BEAN1: variants seen among roughly 807,000 people sequenced by gnomAD.
BEAN1 encodes protein BEAN1.
A neutral mutation model predicts 17.7 loss-of-function variants in BEAN1; 17 were observed. The observed-to-expected ratio is 0.96, with a 90% CI of 0.66 to 1.44. The LOEUF (loss-of-function observed/expected upper bound fraction) is 1.44, where lower values mean the gene tolerates loss of function less well. Among genes scored for constraint, BEAN1 ranks in the 40% most tolerant of loss-of-function variants. The probability of loss-of-function intolerance (pLI) is 0.00; values close to 1 mark genes in which losing one functional copy is unlikely to be tolerated. For missense variants in BEAN1, 359 were observed against 374.1 expected (o/e 0.96, Z 0.33); for synonymous variants, 142 against 151.8 (o/e 0.94, Z 0.47).
intron 2 of BEAN1, among the ~76,000 whole-genome samples, chr16:66,453,414 A>G (rs917750994): frequency 6.6e-6 from 1 of 152,082 alleles, no homozygotes; most frequent in Non-Finnish European, 1.5e-5. Context: ...GCTGGAGTGC[A>G]GTGGTGCAAT....
rs751374999 is a variant in BEAN1 at position 66,469,704 on chromosome 16, T to A, written c.128T>A (p.Ile43Lys). ...VSPVLVASAV[I>K]GVVIILSCIT... ...CCCGTGCTGGTGGCGAGTGCCGTCA[T>A]AGGTGTGGTCATCATCCTCTCCTGC... Residue 43 changes from isoleucine (I) to lysine (K), a missense_variant, in exon 3 of 5, where the codon ATA becomes AAA. Transcript: ENST00000536005. The A allele has an allele frequency of 1.2e-5, 19 of 1,535,832 alleles. No individual in the cohort carries two copies. Among genetic ancestry groups the A allele is most frequent in the Non-Finnish European group, 1.7e-5 (19 of 1,146,852 alleles).
chr16:66,481,158 A>C lies in BEAN1; in HGVS notation c.*233A>C. The C allele has an allele frequency of 2.4e-6, 1 of 416,422 alleles. No homozygotes were observed. Among genetic ancestry groups the C allele is most frequent in the Non-Finnish European group, 4.2e-6 (1 of 237,814 alleles). The allele number at this position is 416,422 out of a possible 1,614,324, so 25.8% of individuals were successfully genotyped here. A position where few individuals can be genotyped will look rare whatever the true frequency, so the allele number is the denominator to read the frequency against. ...CATACAGGCCTACCACAAACACAAAACCCACCTGCAAAGGTTTCACGGAAC... is the reference window on the plus strand; with the variant it reads ...CATACAGGCCTACCACAAACACAAACCCCACCTGCAAAGGTTTCACGGAAC... On this transcript the variant is annotated 3_prime_UTR_variant, in exon 5 of 5. Transcript: ENST00000536005. This position sits in a 1 kb window ranked among gnomAD's most constrained non-coding sequence, Gnocchi z 4.1.
intron 2 of BEAN1, among the ~76,000 whole-genome samples, chr16:66,455,975 C>T (rs1438709941): frequency 6.6e-6 from 1 of 152,246 alleles, no homozygotes; most frequent in Non-Finnish European, 1.5e-5. Flanking sequence ...GTGTGAGCCA[C>T]TGCTCCTGGC....
downstream of BEAN1, chr16:66,484,903 TGGA>T (rs1227602384): frequency 3.7e-5 from 17 of 454,012 alleles, no homozygotes; most frequent in Non-Finnish European, 7.5e-5. The surrounding 1 kb of genome is among the most constrained non-coding windows in gnomAD (Gnocchi z 4.2). Flanking sequence ...CTGCCCCTTG[TGGA>T]GGCCAAATGG....
chr16:66,433,442 T>A (rs1474195665), intron 1 of BEAN1, among the ~76,000 whole-genome samples: 1 of 152,194 alleles, frequency 6.6e-6, no homozygotes, highest in African/African-American at 2.4e-5. Flanking sequence ...GAACCAGTGA[T>A]GGCAGCCTCT....
downstream of BEAN1, among the ~76,000 whole-genome samples, chr16:66,494,595 C>A (rs1172004446): frequency 6.6e-6 from 1 of 152,184 alleles, no homozygotes; most frequent in African/African-American, 2.4e-5. Flanking sequence ...CCTTCAGACC[C>A]ATTTCACCTA....
intron 4 of BEAN1, 56 bp downstream of exon 4, chr16:66,477,766 A>AC (rs1222254310): frequency 2.1e-6 from 3 of 1,435,608 alleles, no homozygotes; most frequent in Non-Finnish European, 2.8e-6. Flanking sequence ...GGACACAAAG[A>AC]CCCCCCAACT....
At chr16:66,463,469 T>C (rs1963158122) in intron 2 of BEAN1, among the ~76,000 whole-genome samples, 2 of 152,220 alleles carry the variant, frequency 1.3e-5, no homozygotes, top group South Asian at 4.1e-4. Context: ...TCAGATCTTT[T>C]GACAATTTTT....
intron 3 of BEAN1, among the ~76,000 whole-genome samples, chr16:66,472,147 T>G (rs181047098): frequency 4.5e-4 from 69 of 152,334 alleles, no homozygotes; most frequent in Non-Finnish European, 1.5e-5. Flanking sequence ...AAAGGCTGCC[T>G]CCTTATGGGA....
At chr16:66,449,591 A>G (rs1328997696) in intron 2 of BEAN1, among the ~76,000 whole-genome samples, 1 of 121,382 alleles carries the variant, frequency 8.2e-6, no homozygotes, top group Non-Finnish European at 1.6e-5. Flanking sequence ...TGGGTGGCAG[A>G]GTGAGACTCC....
Position 66,427,313 on chromosome 16 carries a change from C to T in BEAN1, c.-201C>T, listed in dbSNP as rs1192386843. The T allele has an allele frequency of 6.6e-6, 1 of 150,898 alleles. No individual in the cohort carries two copies. The highest frequency in any genetic ancestry group is 1.5e-5 in the Non-Finnish European group (1 of 67,662). 9.3% of individuals were successfully genotyped at this position (150,898 alleles called of 1,614,324 possible). On this transcript the variant is annotated 5_prime_UTR_variant, in exon 1 of 5. Coordinates refer to ENST00000536005, the MANE Select transcript of BEAN1 (RefSeq NM_001178020.3). The surrounding 1 kb of genome is among the most constrained non-coding windows in gnomAD (Gnocchi z 4.7). ...GCCCCCCGCGACGCCCGAGCCCGAG[C>T]GCAGTGGCCTCCGAGCGGGAACCGG...
chr16:66,488,187 A>C (rs572875011), intron 4 of BEAN1, among the ~76,000 whole-genome samples: 2 of 151,526 alleles, frequency 1.3e-5, no homozygotes, highest in Admixed American at 1.3e-4. Flanking sequence ...GTAGTTAGTA[A>C]GCAACCAAAA....
chr16:66,448,466 C>T (rs1274413424), intron 2 of BEAN1, among the ~76,000 whole-genome samples: 1 of 152,090 alleles, frequency 6.6e-6, no homozygotes, highest in Non-Finnish European at 1.5e-5. Context: ...AGCATACATA[C>T]AGAAAGGTGC....
intron 2 of BEAN1, among the ~76,000 whole-genome samples, chr16:66,452,701 G>A (rs983721915): frequency 2.0e-5 from 3 of 152,228 alleles, no homozygotes; most frequent in Admixed American, 1.3e-4. Flanking sequence ...ACATTCCAGA[G>A]TGTAGAGAAA....
rs1961634002 is a variant in BEAN1 at position 66,427,711 on chromosome 16, AAGGGGAGGTATCC to A, written c.-83+284_-83+296del. 6.6e-6 allele frequency: 1 copy of A among 151,640 alleles called. No homozygotes were observed. The highest frequency in any genetic ancestry group is 1.5e-5 in the Non-Finnish European group (1 of 67,938). 9.4% of individuals were successfully genotyped at this position (151,640 alleles called of 1,614,324 possible). A position where few individuals can be genotyped will look rare whatever the true frequency, so the allele number is the denominator to read the frequency against. On this transcript the variant is annotated intron_variant, in intron 1 of 4. Coordinates refer to ENST00000536005, the MANE Select transcript of BEAN1 (RefSeq NM_001178020.3). This position sits in a 1 kb window ranked among gnomAD's most constrained non-coding sequence, Gnocchi z 4.7. ...CTGATCGCGCCCTCGGGCCTCGGGG[AAGGGGAGGTATCC>A]AGGTTTTCTGCCTGACTCGAGTCCC... is the stretch of plus-strand genomic sequence containing the variant.
intron 2 of BEAN1, 134 bp from the exon 3 acceptor site, chr16:66,469,468 A>G (rs1963381895): frequency 1.8e-6 from 2 of 1,107,188 alleles, no homozygotes; most frequent in Admixed American, 2.6e-5. Context: ...CAGCCAGGAT[A>G]GAGTCCGTGG....
intron 1 of BEAN1, among the ~76,000 whole-genome samples, chr16:66,431,466 T>TA (rs1167664817): frequency 6.6e-6 from 1 of 152,250 alleles, no homozygotes; most frequent in Non-Finnish European, 1.5e-5. Context: ...GTAAAATCAT[T>TA]AAAAATGTAA....
intron 2 of BEAN1, among the ~76,000 whole-genome samples, chr16:66,442,747 A>G (rs1254987747): frequency 3.9e-5 from 6 of 152,238 alleles, no homozygotes; most frequent in Non-Finnish European, 5.9e-5. Flanking sequence ...CGAAATTGAC[A>G]TGCTACACGG....
At chr16:66,435,663 A>AT (rs1175902399) in intron 1 of BEAN1, among the ~76,000 whole-genome samples, 2 of 151,790 alleles carry the variant, frequency 1.3e-5, no homozygotes, top group African/African-American at 4.8e-5. Context: ...AATTTTTTGT[A>AT]TTTTTAGTAG....
Sources: gnomAD v4.1 joint callset for allele counts (sites outside exome capture counted in the v4.1 genomes callset) on GRCh38, gnomAD v4.1.1 for gene constraint, Gnocchi (gnomAD v3.1) non-coding constraint, MANE v1.5 for transcripts, NCBI Gene and HGNC (gene_info 2026-07-23, HGNC 2026-07-21) for gene names.